Variants in MYO1E observed in about 807,000 individuals in gnomAD.
The protein encoded by MYO1E is unconventional myosin-Ie.
Under a neutral mutation model 151.1 loss-of-function variants are expected in MYO1E, and 68 were observed. That is an observed-to-expected ratio of 0.45 (90% CI 0.37 to 0.55). MYO1E has a LOEUF of 0.55. Ranked by LOEUF, MYO1E falls within the 20% of genes least tolerant of loss-of-function variation. MYO1E has a pLI of 0.00. For missense variants in MYO1E, 1,363 were observed against 1,389.3 expected, an observed-to-expected ratio of 0.98 and a Z score of 0.30; for synonymous variants, 601 against 501.7, an observed-to-expected ratio of 1.20 and a Z score of -2.64.
intron 26 of MYO1E, among the ~76,000 whole-genome samples, chr15:59,139,684 T>C (rs1341347221): frequency 2.0e-5 from 3 of 147,626 alleles, no homozygotes; most frequent in Non-Finnish European, 3.0e-5. Flanking sequence ...TCCACAGATG[T>C]CCCTCCTACC....
At position 59,272,296 on chromosome 15, in the gene MYO1E, T is replaced by G. The variant is rs1174039013; in HGVS notation, c.147+10A>C. 6.2e-7 allele frequency: 1 copy of G among 1,613,698 alleles called. No homozygotes were observed. ...ACTTAGAAATGTCCAAAGCAGCCAA[T>G]AAAGGATACAAAAATGTAGTCATCC... is the stretch of plus-strand genomic sequence containing the variant. On this transcript the variant is annotated intron_variant, in intron 2 of 27. Coordinates refer to ENST00000288235, the MANE Select transcript of MYO1E (RefSeq NM_004998.4).
rs779882588 is a variant in MYO1E at position 59,372,750 on chromosome 15, A to G, written c.-250T>C. The G allele has an allele frequency of 3.7e-6, 2 of 539,098 alleles. No individual in the cohort carries two copies. The highest frequency in any genetic ancestry group is 6.5e-6 in the Non-Finnish European group (2 of 306,896). The allele number at this position is 539,098 out of a possible 1,614,324, so 33.4% of individuals were successfully genotyped here. ...CGCATGCTGCGGAGGGCAAGAGTCCACTCGTACTCGCCGGTCGCCGCCGGC... is the reference window on the plus strand; with the variant it reads ...CGCATGCTGCGGAGGGCAAGAGTCCGCTCGTACTCGCCGGTCGCCGCCGGC... On this transcript the variant is annotated 5_prime_UTR_variant, in exon 1 of 28. Transcript: ENST00000288235.
intron 1 of MYO1E, among the ~76,000 whole-genome samples, chr15:59,335,382 A>T (rs1291637081): frequency 6.6e-6 from 1 of 152,234 alleles, no homozygotes; most frequent in Non-Finnish European, 1.5e-5. Context: ...TATGAGATGT[A>T]ATCTGCCAAA....
intron 22 of MYO1E, among the ~76,000 whole-genome samples, chr15:59,170,369 A>G (rs951688740): frequency 1.3e-5 from 2 of 152,172 alleles, no homozygotes; most frequent in Non-Finnish European, 2.9e-5. Context: ...TGTGCCTGCC[A>G]AGCACGCTGT....
At chr15:59,188,588 C>G (rs932998301) in intron 17 of MYO1E, among the ~76,000 whole-genome samples, 4 of 151,898 alleles carry the variant, frequency 2.6e-5, no homozygotes, top group Non-Finnish European at 5.9e-5. Context: ...CCCAGCTACT[C>G]GGGAGGCTGA....
intron 1 of MYO1E, among the ~76,000 whole-genome samples, chr15:59,366,616 T>C (rs1170037468): frequency 2.0e-5 from 3 of 152,212 alleles, no homozygotes; most frequent in East Asian, 1.9e-4. Flanking sequence ...TTCATTCACA[T>C]GTACAGTTTG....
intron 19 of MYO1E, among the ~76,000 whole-genome samples, chr15:59,174,613 G>T (rs560178337): frequency 6.6e-6 from 1 of 152,220 alleles, no homozygotes; most frequent in African/African-American, 2.4e-5. Context: ...GTGAGTGGGT[G>T]GAGGCTGTTG....
At chr15:59,142,887 T>C (rs80292573) in intron 26 of MYO1E, among the ~76,000 whole-genome samples, 1 of 139,168 alleles carries the variant, frequency 7.2e-6, no homozygotes, top group African/African-American at 2.7e-5. Flanking sequence ...TGTCCAATAT[T>C]ATCCTGGAAA....
intron 4 of MYO1E, among the ~76,000 whole-genome samples, chr15:59,238,428 T>C (rs1415117538): frequency 6.6e-6 from 1 of 152,176 alleles, no homozygotes; most frequent in Admixed American, 6.5e-5. Context: ...TGTAGCAACA[T>C]AAAGATAATG....
At chr15:59,348,013 G>A (rs747086863) in intron 1 of MYO1E, among the ~76,000 whole-genome samples, 2 of 152,080 alleles carry the variant, frequency 1.3e-5, no homozygotes, top group Non-Finnish European at 2.9e-5. Flanking sequence ...TTTTCCACTG[G>A]AATCACCTGG....
intron 1 of MYO1E, among the ~76,000 whole-genome samples, chr15:59,304,499 G>A (rs2080503049): frequency 6.6e-6 from 1 of 152,152 alleles, no homozygotes; most frequent in South Asian, 2.1e-4. Context: ...ATTTTTATAG[G>A]TGCTACTAGA....
chr15:59,344,001 T>C (rs1408908426), intron 1 of MYO1E, among the ~76,000 whole-genome samples: 1 of 152,216 alleles, frequency 6.6e-6, no homozygotes, highest in Non-Finnish European at 1.5e-5. Context: ...CTCTCTGGGA[T>C]TGACCCCTGG....
At position 59,225,196 on chromosome 15, in the gene MYO1E, A is replaced by G. The variant is rs139700180; in HGVS notation, c.643-373T>C. ...GGTGCATGTTAAAAAACTGCCATGC[A>G]GCTTCCTGCTCTCTGGTACTCTTTG... On this transcript the variant is annotated intron_variant, in intron 7 of 27. Transcript: ENST00000288235. Among the ~76,000 whole-genome samples, 137 of 152,324 alleles carry G rather than the reference A, an allele frequency of 9.0e-4. 2 individuals carry two copies. The highest frequency in any genetic ancestry group is 2.9e-3 in the African/African-American group (122 of 41,582).
chr15:59,227,274 A>C lies in MYO1E; in HGVS notation c.642+185T>G, dbSNP rs73422983. ...GCTTTGGAGGAATTTCTGTCTTATC[A>C]CTCCAATTAGAACTCACTCTCCTTG... On this transcript the variant is annotated intron_variant, in intron 7 of 27. Transcript: ENST00000288235. Among the ~76,000 whole-genome samples the C allele has an allele frequency of 6.2e-4, 95 of 152,076 alleles. 1 individual carries two copies. Among genetic ancestry groups the C allele is most frequent in the African/African-American group, 1.9e-3 (80 of 41,462 alleles).
chr15:59,176,317 C>G (rs1252243712), intron 19 of MYO1E, among the ~76,000 whole-genome samples: 3 of 152,142 alleles, frequency 2.0e-5, no homozygotes, highest in Non-Finnish European at 4.4e-5. Context: ...GCCTCAGCCC[C>G]CCAAAGTGCT....
chr15:59,207,316 A>G (rs2079843934), intron 14 of MYO1E: 1 of 1,614,000 alleles, frequency 6.2e-7, no homozygotes, highest in African/African-American at 1.3e-5. Context: ...AATGCCAAAT[A>G]TTGTTTGTAG....
chr15:59,300,012 C>T (rs1260949621), intron 1 of MYO1E, among the ~76,000 whole-genome samples: 1 of 152,142 alleles, frequency 6.6e-6, no homozygotes, highest in Non-Finnish European at 1.5e-5. Context: ...ACCCCTAAAT[C>T]TTTAATGTAA....
chr15:59,234,381 C>G (rs1432467303), intron 5 of MYO1E, among the ~76,000 whole-genome samples: 1 of 152,156 alleles, frequency 6.6e-6, no homozygotes, highest in Non-Finnish European at 1.5e-5. Context: ...TGTTCTCTCC[C>G]TGACAGAAGC....
chr15:59,296,148 T>C (rs1369490205), intron 1 of MYO1E, among the ~76,000 whole-genome samples: 8 of 152,176 alleles, frequency 5.3e-5, no homozygotes, highest in African/African-American at 1.9e-4. Context: ...TATCAAGGCA[T>C]AGAAAAGCAA....
Sources: gnomAD v4.1 joint callset for allele counts (sites outside exome capture counted in the v4.1 genomes callset) on GRCh38, gnomAD v4.1.1 for gene constraint, MANE v1.5 for transcripts, NCBI Gene and HGNC (gene_info 2026-07-23, HGNC 2026-07-21) for gene names.